The following KAT6A variants were observed in gnomAD, a reference collection of about 807,000 sequenced individuals.
KAT6A encodes the protein histone acetyltransferase KAT6A.
A neutral mutation model predicts 198.4 loss-of-function variants in KAT6A; 9 were observed. That is an observed-to-expected ratio of 0.05 (90% CI 0.03 to 0.08). The LOEUF is 0.08. KAT6A is among the 10% of genes least tolerant of loss of function. The pLI, the probability that KAT6A is intolerant of heterozygous loss-of-function variation, is 1.00. For missense variants in KAT6A, 2,077 were observed against 2,509.9 expected, an observed-to-expected ratio of 0.83 and a Z score of 3.69; for synonymous variants, 890 against 883.0, an observed-to-expected ratio of 1.01 and a Z score of -0.14.
intron 6 of KAT6A, among the ~76,000 whole-genome samples, chr8:41,977,937 T>G (rs1824143899): frequency 6.6e-6 from 1 of 152,200 alleles, no homozygotes; most frequent in Admixed American, 6.5e-5. Context: ...AAAAAGTAAG[T>G]AAAACTTTTG....
intron 2 of KAT6A, among the ~76,000 whole-genome samples, chr8:42,004,341 G>A (rs1444407387): frequency 1.3e-5 from 2 of 152,170 alleles, no homozygotes; most frequent in African/African-American, 4.8e-5. Context: ...AAAAAAAGAA[G>A]TAGGAGCACA....
At chr8:42,022,546 T>C (rs1375295276) in intron 2 of KAT6A, among the ~76,000 whole-genome samples, 1 of 152,186 alleles carries the variant, frequency 6.6e-6, no homozygotes, top group Non-Finnish European at 1.5e-5. Flanking sequence ...TGGGTAACGA[T>C]TTTTCACTTG....
Position 41,931,070 on chromosome 8 carries a change from A to C in KAT6A, c.*1135T>G. On this transcript the variant is annotated 3_prime_UTR_variant, in exon 17 of 17. Coordinates refer to ENST00000265713, the MANE Select transcript of KAT6A (RefSeq NM_006766.5). ...ACACACATCTGCGCCATCTCTTCCAACATAAAATAAACTGTTTCAATGGTT... is the reference window on the plus strand; with the variant it reads ...ACACACATCTGCGCCATCTCTTCCACCATAAAATAAACTGTTTCAATGGTT... 1 of 219,888 alleles carries C rather than the reference A, an allele frequency of 4.5e-6. No individual in the cohort carries two copies. The allele number at this position is 219,888 out of a possible 1,614,324, so 13.6% of individuals were successfully genotyped here. A position where few individuals can be genotyped will look rare whatever the true frequency, so the allele number is the denominator to read the frequency against.
intron 8 of KAT6A, 67 bp from the exon 9 acceptor site, chr8:41,955,478 C>T (rs1253311869): frequency 3.0e-6 from 3 of 1,011,024 alleles, no homozygotes; most frequent in Non-Finnish European, 4.6e-6. Context: ...AAAGAAAGTT[C>T]TGAATCTAAA....
rs547730885 is a variant in KAT6A at position 41,934,387 on chromosome 8, C to T, written c.3833G>A (p.Arg1278His). 5.3e-5 allele frequency: 86 copies of T among 1,613,694 alleles called. No homozygotes were observed. In the Middle Eastern group the frequency reaches 1.8e-3, roughly 34 times the overall value. ...TGACTGCCTCTGCTCCTCTGAGACA[C>T]GGGGCTTCTCTTCTTCCTCCTCCAC... ...PEVEEEEEKP[R>H]VSEEQRQSEE... The change falls in exon 17 of 17, where the codon CGT (arginine) becomes CAT (histidine). Residue 1278 changes from arginine (R) to histidine (H), a missense_variant. Arg to His is a conservative substitution (Grantham distance 29). This residue lies in a region of KAT6A where 375 missense variants were observed against 383.0 expected (regional missense o/e 0.98). Transcript: ENST00000265713.
chr8:42,020,223 G>T (rs1044490769), intron 2 of KAT6A, among the ~76,000 whole-genome samples: 2 of 152,094 alleles, frequency 1.3e-5, no homozygotes, highest in Non-Finnish European at 2.9e-5. Flanking sequence ...TACCTGGTTC[G>T]CAGACTTGAG....
intron 2 of KAT6A, among the ~76,000 whole-genome samples, chr8:42,022,101 A>T (rs1042833171): frequency 6.6e-6 from 1 of 152,208 alleles, no homozygotes; most frequent in African/African-American, 2.4e-5. Flanking sequence ...TTCAACACAG[A>T]CAATCTTCTT....
chr8:41,960,538 A>G lies in KAT6A; in HGVS notation c.1483-5127T>C, dbSNP rs550446106. ...AAAAAAAAAAAAAAGTCTGGTTAAA[A>G]TAACTTTTACATTATGTATATTTTA... On this transcript the variant is annotated intron_variant, in intron 8 of 16. Transcript: ENST00000265713. Among the ~76,000 whole-genome samples, 15 of 151,926 alleles carry G rather than the reference A, an allele frequency of 9.9e-5. No individual in the cohort carries two copies. The South Asian group carries it at 2.9e-3, about 29-fold the overall frequency.
At position 42,049,044 on chromosome 8, in the gene KAT6A, A is replaced by T; in HGVS notation, c.-67T>A. 1 of 1,483,162 alleles carries T rather than the reference A, an allele frequency of 6.7e-7. No individual in the cohort carries two copies. Among genetic ancestry groups the T allele is most frequent in the Middle Eastern group, 1.8e-4 (1 of 5,468 alleles). 91.9% of individuals were successfully genotyped at this position (1,483,162 alleles called of 1,614,324 possible). On this transcript the variant is annotated 5_prime_UTR_variant, in exon 2 of 17. An upstream start codon of the reference 5' UTR is lost. Coordinates refer to ENST00000265713, the MANE Select transcript of KAT6A (RefSeq NM_006766.5). The stretch of plus-strand genomic sequence containing the variant: ...CCTGATGCTGAGTAAGTTTTACACC[A>T]TGGAAAACAAGATTCTCGGAGGCTG...
At chr8:42,041,208 A>C (rs574779478) in intron 2 of KAT6A, among the ~76,000 whole-genome samples, 1 of 152,038 alleles carries the variant, frequency 6.6e-6, no homozygotes, top group South Asian at 2.1e-4. Context: ...AAAAAAAAAA[A>C]AAAAACTGTG....
intron 8 of KAT6A, 87 bp from the exon 9 acceptor site, chr8:41,955,498 C>T (rs767694215): frequency 1.7e-5 from 14 of 811,754 alleles, no homozygotes; most frequent in Non-Finnish European, 2.7e-5. Flanking sequence ...ATGTTGTCTT[C>T]TCAGGACTCC....
intron 8 of KAT6A, among the ~76,000 whole-genome samples, chr8:41,960,396 CG>C (rs1223390512): frequency 2.0e-5 from 3 of 151,004 alleles, no homozygotes; most frequent in African/African-American, 7.3e-5. Context: ...GGTGAAACCC[CG>C]TCTCTACTAA....
intron 5 of KAT6A, 52 bp downstream of exon 5, chr8:41,980,794 C>T (rs1564038310): frequency 3.3e-6 from 4 of 1,226,452 alleles, no homozygotes; most frequent in Non-Finnish European, 4.8e-6. Flanking sequence ...AATGTGCTTT[C>T]ACTAACATCC....
At chr8:41,941,657 G>A (rs1442720915) in intron 14 of KAT6A, among the ~76,000 whole-genome samples, 3 of 152,110 alleles carry the variant, frequency 2.0e-5, no homozygotes, top group Non-Finnish European at 4.4e-5. Flanking sequence ...ATCATATGAA[G>A]TATTACCACT....
In KAT6A at chr8:41,932,713, T is replaced by G. The variant is rs747358004; in HGVS notation, c.5507A>C (p.Asn1836Thr). 5.0e-5 allele frequency: 81 copies of G among 1,614,124 alleles called. No individual in the cohort carries two copies. The highest frequency in any genetic ancestry group is 6.4e-5 in the Non-Finnish European group (75 of 1,180,046). The change falls in exon 17 of 17, where the codon AAC (asparagine) becomes ACC (threonine). Residue 1836 changes from asparagine (N) to threonine (T), a missense_variant. By Grantham distance (65) the Asn-to-Thr change is moderately conservative (BLOSUM62 0). Coordinates refer to ENST00000265713, the MANE Select transcript of KAT6A (RefSeq NM_006766.5). ...PLLQCNMSATNIGIPHTQRLQ... is the reference protein window; with the variant it reads ...PLLQCNMSATTIGIPHTQRLQ... ...TCTCTGCGTGTGAGGAATGCCAATG[T>G]TGGTGGCAGACATGTTGCACTGAAG...
intron 7 of KAT6A, 67 bp from the exon 8 acceptor site, chr8:41,974,889 CAG>C (rs1823972554): frequency 3.2e-6 from 3 of 941,632 alleles, no homozygotes. Context: ...GAAAAAATTT[CAG>C]GTCTTTATTT....
chr8:41,954,373 G>A (rs1030557277), intron 9 of KAT6A, among the ~76,000 whole-genome samples: 1 of 152,112 alleles, frequency 6.6e-6, no homozygotes, highest in Non-Finnish European at 1.5e-5. Flanking sequence ...TACTACATGG[G>A]TGAAAACTTA....
intron 2 of KAT6A, among the ~76,000 whole-genome samples, chr8:42,033,514 T>C (rs1205172575): frequency 6.6e-6 from 1 of 152,246 alleles, no homozygotes; most frequent in Non-Finnish European, 1.5e-5. Flanking sequence ...GTGCATACAA[T>C]GTTTTGCTTC....
rs555929640 is a variant in KAT6A at position 41,974,204 on chromosome 8, A to C, written c.1482+500T>G. Among the ~76,000 whole-genome samples, 41 of 152,002 alleles carry C rather than the reference A, an allele frequency of 2.7e-4. 1 individual carries two copies. The South Asian group carries it at 3.8e-3, about 14-fold the overall frequency. ...GCAATTCTCCTGCCTCAGCCTCCTA[A>C]ATAGCTGTGACTACAGGTGTGCACC... On this transcript the variant is annotated intron_variant, in intron 8 of 16. Transcript: ENST00000265713.
Sources: allele counts gnomAD v4.1 joint callset (sites outside exome capture counted in the v4.1 genomes callset), GRCh38; gene constraint gnomAD v4.1.1; regional missense constraint gnomAD v4.1.1; transcripts MANE v1.5; gene names NCBI Gene and HGNC (gene_info 2026-07-23, HGNC 2026-07-21).